Variants in ZNF804B observed in about 807,000 individuals in gnomAD.
ZNF804B encodes zinc finger 804B.
In ZNF804B, 80 loss-of-function variants were observed where a neutral mutation model predicts 101.4. That is an observed-to-expected ratio of 0.79 (90% CI 0.66 to 0.95). ZNF804B has a LOEUF of 0.95. Among genes scored for constraint, ZNF804B ranks in the 40% least tolerant of loss-of-function variants. ZNF804B has a pLI of 0.00. For synonymous variants in ZNF804B, 622 were observed against 558.8 expected (o/e 1.11, Z -1.59); for missense variants, 1,673 against 1,561.9 (o/e 1.07, Z -1.20).
At chr7:89,203,950 T>A (rs1788681891) in intron 1 of ZNF804B, among the ~76,000 whole-genome samples, 1 of 152,214 alleles carries the variant, frequency 6.6e-6, no homozygotes, top group Admixed American at 6.5e-5. Context: ...GAGGAAATCT[T>A]ACTTGAAATT....
intron 1 of ZNF804B, among the ~76,000 whole-genome samples, chr7:89,029,070 T>G (rs1788790626): frequency 6.6e-6 from 1 of 152,112 alleles, no homozygotes; most frequent in South Asian, 2.1e-4. Flanking sequence ...TGAATGACAA[T>G]GAATAATAGC....
intron 1 of ZNF804B, among the ~76,000 whole-genome samples, chr7:89,094,624 T>G (rs1789944036): frequency 6.6e-6 from 1 of 152,174 alleles, no homozygotes; most frequent in Admixed American, 6.5e-5. Flanking sequence ...TGGAAACTCT[T>G]CTCCTTTGCT....
intron 1 of ZNF804B, among the ~76,000 whole-genome samples, chr7:88,888,683 T>C (rs1792170716): frequency 6.6e-6 from 1 of 152,204 alleles, no homozygotes; most frequent in African/African-American, 2.4e-5. Flanking sequence ...AAAATTTCAT[T>C]ATTTTGATCA....
intron 1 of ZNF804B, among the ~76,000 whole-genome samples, chr7:89,095,806 A>C (rs1412977707): frequency 6.6e-6 from 1 of 152,180 alleles, no homozygotes. Flanking sequence ...ATTTTTAGTT[A>C]AACCTTTGCC....
At chr7:89,237,179 A>G (rs1469293530) in intron 2 of ZNF804B, among the ~76,000 whole-genome samples, 1 of 152,176 alleles carries the variant, frequency 6.6e-6, no homozygotes, top group Non-Finnish European at 1.5e-5. Context: ...TAACAATAAC[A>G]TTTATAGCTT....
intron 1 of ZNF804B, among the ~76,000 whole-genome samples, chr7:88,817,062 A>G (rs1488690006): frequency 6.6e-6 from 1 of 152,102 alleles, no homozygotes; most frequent in African/African-American, 2.4e-5. Flanking sequence ...ATAAAAAATG[A>G]TGAGTTCATG....
Position 89,150,733 on chromosome 7 carries a change from G to A in ZNF804B, c.109-67422G>A, listed in dbSNP as rs191150634. 2.6e-5 allele frequency among the ~76,000 whole-genome samples: 4 copies of A among 152,162 alleles called. No individual in the cohort carries two copies. The East Asian group carries it at 7.7e-4, about 29-fold the overall frequency. On this transcript the variant is annotated intron_variant, in intron 1 of 3. Coordinates refer to ENST00000333190, the MANE Select transcript of ZNF804B (RefSeq NM_181646.5). Reference sequence around the variant, plus strand: ...GCTTACCTATCAGTGGACAAAATGAGAAATGTTGAAAAAAGTCCAAATGAA... The same window carrying A: ...GCTTACCTATCAGTGGACAAAATGAAAAATGTTGAAAAAAGTCCAAATGAA...
chr7:88,842,100 C>T (rs1791299759), intron 1 of ZNF804B, among the ~76,000 whole-genome samples: 1 of 152,116 alleles, frequency 6.6e-6, no homozygotes, highest in Non-Finnish European at 1.5e-5. Context: ...GTAAAATATT[C>T]ATATTCTGGT....
At chr7:88,974,430 T>C (rs1793584459) in intron 1 of ZNF804B, among the ~76,000 whole-genome samples, 1 of 151,218 alleles carries the variant, frequency 6.6e-6, no homozygotes, top group African/African-American at 2.4e-5. Flanking sequence ...ATCAGTTAGA[T>C]TTAGTCATTC....
At chr7:88,823,192 G>A (rs951049367) in intron 1 of ZNF804B, among the ~76,000 whole-genome samples, 1 of 152,076 alleles carries the variant, frequency 6.6e-6, no homozygotes, top group African/African-American at 2.4e-5. Flanking sequence ...AGGCGACAGG[G>A]TGAGACTGTC....
At chr7:88,884,016 T>TA (rs1792082406) in intron 1 of ZNF804B, among the ~76,000 whole-genome samples, 2 of 152,034 alleles carry the variant, frequency 1.3e-5, no homozygotes, top group Admixed American at 1.3e-4. Flanking sequence ...TCATCTAGTT[T>TA]AATGGAGATC....
chr7:89,016,494 C>T (rs1175654791), intron 1 of ZNF804B, among the ~76,000 whole-genome samples: 2 of 151,188 alleles, frequency 1.3e-5, no homozygotes, highest in Admixed American at 6.6e-5. Flanking sequence ...GTCTTTAATC[C>T]ATCTTGAATT....
chr7:89,113,286 C>T (rs1240951792), intron 1 of ZNF804B, among the ~76,000 whole-genome samples: 2 of 152,108 alleles, frequency 1.3e-5, no homozygotes, highest in East Asian at 1.9e-4. Context: ...ATGGGATCAT[C>T]GTACAACGGG....
chr7:88,935,262 A>G (rs1792949594), intron 1 of ZNF804B, among the ~76,000 whole-genome samples: 1 of 151,648 alleles, frequency 6.6e-6, no homozygotes, highest in Middle Eastern at 3.2e-3. Flanking sequence ...TACAATGTAT[A>G]TAGCTCAGGT....
chr7:89,044,636 C>T (rs1428364193), intron 1 of ZNF804B, among the ~76,000 whole-genome samples: 1 of 152,096 alleles, frequency 6.6e-6, no homozygotes, highest in Non-Finnish European at 1.5e-5. Context: ...AGATGAGGAA[C>T]TTTTTGGGAA....
intron 1 of ZNF804B, among the ~76,000 whole-genome samples, chr7:88,813,067 G>T (rs1408497916): frequency 6.6e-6 from 1 of 151,754 alleles, no homozygotes; most frequent in Non-Finnish European, 1.5e-5. Flanking sequence ...AAAAAATGGT[G>T]AATTACATGT....
rs1791138718 is a variant in ZNF804B, at chr7:89,338,515, G to A, written c.*1483G>A. Among the ~76,000 whole-genome samples the A allele has an allele frequency of 6.6e-6, 1 of 151,988 alleles. No individual in the cohort carries two copies. The highest frequency in any genetic ancestry group is 2.4e-5 in the African/African-American group (1 of 41,432). ...CATCGTTGATTCAGGAGAGACTGGT[G>A]AGAGAGAAAGAGAAAGAAAGGGTGG... On this transcript the variant is annotated 3_prime_UTR_variant, in exon 4 of 4. Coordinates refer to ENST00000333190, the MANE Select transcript of ZNF804B (RefSeq NM_181646.5).
chr7:88,910,969 A>T (rs1405098575), intron 1 of ZNF804B, among the ~76,000 whole-genome samples: 2 of 152,038 alleles, frequency 1.3e-5, no homozygotes, highest in Non-Finnish European at 2.9e-5. Context: ...ACTTTAGAAT[A>T]GAGGCGATAG....
At chr7:88,769,659 T>C (rs1161070246) in intron 1 of ZNF804B, among the ~76,000 whole-genome samples, 2 of 152,140 alleles carry the variant, frequency 1.3e-5, no homozygotes, top group Admixed American at 6.5e-5. Flanking sequence ...GAAGGAAAAA[T>C]AGTGTTTTGT....
Sources: allele counts gnomAD v4.1 joint callset (sites outside exome capture counted in the v4.1 genomes callset), GRCh38; gene constraint gnomAD v4.1.1; transcripts MANE v1.5; gene names NCBI Gene and HGNC (gene_info 2026-07-23, HGNC 2026-07-21).